Variants in COA1 observed in about 807,000 individuals in gnomAD.
The protein encoded by COA1 is cytochrome c oxidase assembly factor 1 homolog.
Under a neutral mutation model 16.0 loss-of-function variants are expected in COA1, and 13 were observed. The ratio of observed to expected loss-of-function variants is 0.81; its 90% CI spans 0.53 to 1.29. The LOEUF (loss-of-function observed/expected upper bound fraction) is 1.29. Among genes scored for constraint, COA1 ranks in the 50% most tolerant of loss-of-function variants. The probability of loss-of-function intolerance (pLI) is 0.00; values close to 1 mark genes in which losing one functional copy is unlikely to be tolerated. For synonymous variants in COA1, 65 were observed against 65.7 expected, an observed-to-expected ratio of 0.99 and a Z score of 0.05; for missense variants, 179 against 177.0, an observed-to-expected ratio of 1.01 and a Z score of -0.06.
chr7:43,638,140 AAT>A (rs1158448413), downstream of COA1, among the ~76,000 whole-genome samples: 2 of 152,194 alleles, frequency 1.3e-5, no homozygotes. Context: ...AGAACACATA[AAT>A]ATGTTTTTAA....
chr7:43,702,751 TTATCAAACTAGCTAGCAATC>T (rs2094801803), intron 1 of COA1, among the ~76,000 whole-genome samples: 1 of 152,150 alleles, frequency 6.6e-6, no homozygotes, highest in Non-Finnish European at 1.5e-5. Flanking sequence ...GATTTTCTCT[TTATCAAACTAGCTAGCAATC>T]TATCAATCTT....
intron 1 of COA1, among the ~76,000 whole-genome samples, chr7:43,691,911 C>A (rs755441366): frequency 9.2e-5 from 14 of 152,206 alleles, no homozygotes; most frequent in Non-Finnish European, 1.9e-4. Flanking sequence ...AGCCTGCAAC[C>A]AAAATCATCT....
intron 1 of COA1, among the ~76,000 whole-genome samples, chr7:43,713,676 A>G (rs1157299194): frequency 1.3e-5 from 2 of 151,906 alleles, no homozygotes; most frequent in Non-Finnish European, 2.9e-5. Context: ...AATTCCCACC[A>G]CCCACCTTTG....
chr7:43,720,348 T>A (rs2095481203), intron 1 of COA1, among the ~76,000 whole-genome samples: 1 of 152,174 alleles, frequency 6.6e-6, no homozygotes, highest in Non-Finnish European at 1.5e-5. Context: ...AGCAGTAATG[T>A]TGCATCCCTG....
At chr7:43,698,088 C>A (rs2094585583) in intron 1 of COA1, among the ~76,000 whole-genome samples, 1 of 152,172 alleles carries the variant, frequency 6.6e-6, no homozygotes, top group Non-Finnish European at 1.5e-5. Flanking sequence ...ACCAAGATCA[C>A]TTATTAATTA....
intron 6 of COA1, among the ~76,000 whole-genome samples, chr7:43,634,231 C>G (rs907779318): frequency 6.6e-6 from 1 of 152,060 alleles, no homozygotes; most frequent in Non-Finnish European, 1.5e-5. Flanking sequence ...TGACATTTGC[C>G]TGGTTCTTGG....
At chr7:43,664,816 G>A (rs187946512) in intron 1 of COA1, among the ~76,000 whole-genome samples, 50 of 152,298 alleles carry the variant, frequency 3.3e-4, no homozygotes, top group African/African-American at 1.0e-3. Context: ...GCTAGGATCA[G>A]CTCTCCCTAC....
chr7:43,623,657 T>G, intron 6 of COA1: 1 of 1,607,814 alleles, frequency 6.2e-7, no homozygotes, highest in Non-Finnish European at 8.5e-7. Flanking sequence ...CAAATTAGTT[T>G]CAAGAAATGA....
chr7:43,641,584 C>G (rs943081612), intron 4 of COA1: 11 of 152,064 alleles, frequency 7.2e-5, no homozygotes, highest in Non-Finnish European at 1.5e-4. Context: ...GGACCTATTG[C>G]CAGGAAATTG....
At position 43,644,751 on chromosome 7, in the gene COA1, TAGATAGATAGGCAGGC is replaced by T. The variant is rs1174993482; in HGVS notation, c.264+484_264+499del. 4.0e-3 allele frequency among the ~76,000 whole-genome samples: 473 copies of T among 117,306 alleles called. 9 individuals are homozygous for T. Among genetic ancestry groups the T allele is most frequent in the African/African-American group, 0.016 (445 of 27,592 alleles). 77.0% of individuals were successfully genotyped at this position (117,306 alleles called of 152,430 possible). On this transcript the variant is annotated intron_variant, in intron 4 of 5. Transcript: ENST00000223336. ...ATAGATAGATAGATAGATAGATAGA[TAGATAGATAGGCAGGC>T]AGGCAGGCAGGCAGGCAGGCAGGCA...
intron 1 of COA1, among the ~76,000 whole-genome samples, chr7:43,695,178 C>A (rs1324878096): frequency 6.6e-6 from 1 of 150,790 alleles, no homozygotes; most frequent in African/African-American, 2.4e-5. Flanking sequence ...CTCAACAGAG[C>A]AACTAGTGTG....
chr7:43,723,486 T>C (rs2095550798), intron 1 of COA1, among the ~76,000 whole-genome samples: 1 of 152,212 alleles, frequency 6.6e-6, no homozygotes, highest in Admixed American at 6.5e-5. Flanking sequence ...CCAGGGTAAT[T>C]GCCAAAGCAT....
At chr7:43,711,788 T>G (rs2095256816) in intron 1 of COA1, among the ~76,000 whole-genome samples, 1 of 152,206 alleles carries the variant, frequency 6.6e-6, no homozygotes, top group African/African-American at 2.4e-5. Flanking sequence ...TTTGTGTATC[T>G]AAACACAGAA....
intron 1 of COA1, among the ~76,000 whole-genome samples, chr7:43,727,977 C>CT (rs201576823): frequency 0.19 from 26,541 of 139,896 alleles, 2,715 homozygotes; most frequent in Admixed American, 0.3. Context: ...GGTTTTCTTT[C>CT]TTTTTTTTTT....
intron 1 of COA1, among the ~76,000 whole-genome samples, chr7:43,675,191 A>G (rs1308161956): frequency 6.6e-6 from 1 of 152,220 alleles, no homozygotes; most frequent in African/African-American, 2.4e-5. Flanking sequence ...CAAATGTCCA[A>G]CAACGATAGA....
chr7:43,698,113 G>GA (rs1554548097), intron 1 of COA1, among the ~76,000 whole-genome samples: 1 of 152,218 alleles, frequency 6.6e-6, no homozygotes. Flanking sequence ...AATACAGGAT[G>GA]AAAGTCCAGA....
intron 6 of COA1, among the ~76,000 whole-genome samples, chr7:43,612,812 G>A (rs10235858): frequency 0.15 from 22,287 of 151,886 alleles, 2,184 homozygotes; most frequent in Non-Finnish European, 0.21. Flanking sequence ...AGTTCTTGGG[G>A]TGGGGGAGGG....
rs768388950 is a variant in COA1 at position 43,624,742 on chromosome 7, G to A, written c.*133+14707C>T. The A allele has an allele frequency of 1.9e-6, 3 of 1,613,768 alleles. No homozygotes were observed. The African/African-American group carries it at 4.0e-5, about 22-fold the overall frequency. On this transcript the variant is annotated intron_variant and NMD_transcript_variant, in intron 6 of 6. Transcript: ENST00000415076. The stretch of plus-strand genomic sequence containing the variant: ...ACTTCATATACTCTAGGACAATGCA[G>A]ACAGTCTGAAAAAGAGAAAATGGAG...
intron 1 of COA1, chr7:43,649,584 C>G (rs1032070755): frequency 6.6e-6 from 1 of 152,152 alleles, no homozygotes; most frequent in African/African-American, 2.4e-5. Flanking sequence ...AATATAAAAA[C>G]AGTATCAAGA....
Sources: allele counts gnomAD v4.1 joint callset (sites outside exome capture counted in the v4.1 genomes callset), GRCh38; gene constraint gnomAD v4.1.1; transcripts MANE v1.5; gene names NCBI Gene and HGNC (gene_info 2026-07-23, HGNC 2026-07-21).